The following ROBO2 variants were observed in gnomAD, a reference collection of about 807,000 sequenced individuals.
ROBO2 encodes roundabout guidance receptor 2, also known as roundabout homolog 2.
ROBO2 carries 53 observed loss-of-function variants against 160.8 expected under a neutral mutation model. The observed-to-expected ratio is 0.33, with a 90% CI of 0.26 to 0.41. The LOEUF (loss-of-function observed/expected upper bound fraction) is 0.41, where lower values mean the gene tolerates loss of function less well. Ranked by LOEUF, ROBO2 falls within the 10% of genes least tolerant of loss-of-function variation. The pLI is 1.00. For synonymous variants in ROBO2, 664 were observed against 611.7 expected (o/e 1.09, Z -1.26); for missense variants, 1,577 against 1,722.4 (o/e 0.92, Z 1.49).
At chr3:76,996,179 G>C (rs2060992995) in intron 2 of ROBO2, among the ~76,000 whole-genome samples, 1 of 152,172 alleles carries the variant, frequency 6.6e-6, no homozygotes, top group Admixed American at 6.5e-5. Context: ...TGGCTAGCCA[G>C]TTTTCCCAGC....
intron 2 of ROBO2, among the ~76,000 whole-genome samples, chr3:76,554,862 G>T (rs1215010836): frequency 2.0e-5 from 3 of 151,922 alleles, no homozygotes; most frequent in Admixed American, 2.0e-4. Flanking sequence ...TACAGTGGGA[G>T]AATCAGGGAA....
At chr3:76,008,615 G>A (rs2066099503) in intron 2 of ROBO2, among the ~76,000 whole-genome samples, 1 of 152,206 alleles carries the variant, frequency 6.6e-6, no homozygotes, top group South Asian at 2.1e-4. Flanking sequence ...AGTCTCAAAC[G>A]TTTTAGAATG....
chr3:77,426,103 A>G (rs1280945841), intron 2 of ROBO2, among the ~76,000 whole-genome samples: 1 of 152,130 alleles, frequency 6.6e-6, no homozygotes, highest in Non-Finnish European at 1.5e-5. Context: ...CGAAGCAGGA[A>G]TGTCACGTTA....
chr3:76,947,209 T>TA (rs2078609898), intron 2 of ROBO2, among the ~76,000 whole-genome samples: 1 of 152,006 alleles, frequency 6.6e-6, no homozygotes, highest in East Asian at 1.9e-4. Flanking sequence ...ATAGTATCTA[T>TA]AAAAAATAAA....
At chr3:77,323,361 T>C (rs1342838180) in intron 2 of ROBO2, among the ~76,000 whole-genome samples, 5 of 152,092 alleles carry the variant, frequency 3.3e-5, no homozygotes, top group South Asian at 4.1e-4. Flanking sequence ...TGAGACTTAA[T>C]TGTATCTCTC....
At chr3:76,988,720 T>C (rs1199154131) in intron 2 of ROBO2, among the ~76,000 whole-genome samples, 1 of 152,174 alleles carries the variant, frequency 6.6e-6, no homozygotes, top group Non-Finnish European at 1.5e-5. Context: ...ACTGAGACAT[T>C]AATGCCTCTG....
At chr3:77,549,568 G>A (rs554475935) in intron 7 of ROBO2, among the ~76,000 whole-genome samples, 50 of 152,074 alleles carry the variant, frequency 3.3e-4, no homozygotes, top group Non-Finnish European at 4.0e-4. Flanking sequence ...TTAATAACAT[G>A]GTAATGTTTA....
At chr3:76,948,256 G>A (rs1270852006) in intron 2 of ROBO2, among the ~76,000 whole-genome samples, 1 of 152,072 alleles carries the variant, frequency 6.6e-6, no homozygotes, top group Non-Finnish European at 1.5e-5. Context: ...GGACTTTGAT[G>A]TCTTTAGATA....
intron 2 of ROBO2, among the ~76,000 whole-genome samples, chr3:76,532,357 A>G (rs1221734748): frequency 6.6e-6 from 1 of 152,204 alleles, no homozygotes; most frequent in Non-Finnish European, 1.5e-5. Context: ...CTTACTTGAC[A>G]TGCACACTTT....
At chr3:77,307,669 G>T (rs1428803535) in intron 2 of ROBO2, among the ~76,000 whole-genome samples, 1 of 152,142 alleles carries the variant, frequency 6.6e-6, no homozygotes, top group East Asian at 1.9e-4. Flanking sequence ...GATCAATTGA[G>T]GTCAGGAGTT....
At chr3:77,161,314 A>G (rs1267135169) in intron 2 of ROBO2, among the ~76,000 whole-genome samples, 2 of 152,252 alleles carry the variant, frequency 1.3e-5, no homozygotes, top group African/African-American at 4.8e-5. Flanking sequence ...TAATTTGCAT[A>G]TGAAGCAATA....
At chr3:76,395,814 A>G (rs1325320068) in intron 2 of ROBO2, among the ~76,000 whole-genome samples, 2 of 152,190 alleles carry the variant, frequency 1.3e-5, no homozygotes, top group African/African-American at 2.4e-5. Context: ...AGGCTCTGAA[A>G]TTATGGCAAT....
At chr3:77,250,498 G>A (rs1181994296) in intron 2 of ROBO2, among the ~76,000 whole-genome samples, 11 of 152,294 alleles carry the variant, frequency 7.2e-5, no homozygotes, top group Non-Finnish European at 1.0e-4. Flanking sequence ...GCCAGTCAAA[G>A]TCTGTGTGTG....
At chr3:77,411,943 C>T (rs1253168025) in intron 2 of ROBO2, among the ~76,000 whole-genome samples, 5 of 152,140 alleles carry the variant, frequency 3.3e-5, no homozygotes, top group African/African-American at 1.2e-4. Context: ...TACATTTTTC[C>T]TCTTCCCCTC....
chr3:76,786,539 A>G (rs1421378595), intron 2 of ROBO2, among the ~76,000 whole-genome samples: 1 of 151,260 alleles, frequency 6.6e-6, no homozygotes, highest in African/African-American at 2.4e-5. Context: ...CTCTATCATG[A>G]GACAGCATTA....
At position 76,683,478 on chromosome 3, in the gene ROBO2, A is replaced by AC. The variant is rs2092615705; in HGVS notation, c.110-414536_110-414535insC. ...AACCCCCACCGAAAAAAAAAAAAAA[A>AC]AACCTGGAAAACACATGCATGTGTC... On this transcript the variant is annotated intron_variant, in intron 2 of 26. Transcript: ENST00000487694. Among the ~76,000 whole-genome samples, 6 of 151,606 alleles carry AC rather than the reference A, an allele frequency of 4.0e-5. No homozygotes were observed. The South Asian group carries it at 1.3e-3, about 32-fold the overall frequency.
At chr3:76,455,942 G>T (rs1345885364) in intron 2 of ROBO2, among the ~76,000 whole-genome samples, 2 of 152,134 alleles carry the variant, frequency 1.3e-5, no homozygotes, top group Non-Finnish European at 2.9e-5. Flanking sequence ...GAGGAATGAA[G>T]TCCCAGAGAC....
Position 77,097,978 on chromosome 3 carries a change from T to G in ROBO2, c.62-36T>G, listed in dbSNP as rs988725720. 6.1e-6 allele frequency: 9 copies of G among 1,485,894 alleles called. 1 individual carries two copies. Among genetic ancestry groups the G allele is most frequent in the South Asian group, 1.4e-5 (1 of 70,368 alleles). The allele number at this position is 1,485,894 out of a possible 1,614,324, so 92.0% of individuals were successfully genotyped here. A position where few individuals can be genotyped will look rare whatever the true frequency, so the allele number is the denominator to read the frequency against. On this transcript the variant is annotated intron_variant, in intron 1 of 25. Coordinates refer to ENST00000461745, the Ensembl canonical transcript of ROBO2. ...GAAACCGAGGGTTTAGATAAGGAAA[T>G]GTTAAAGCTTGTCTTTATTCCGTCA...
chr3:76,605,788 A>C (rs547022938), intron 2 of ROBO2, among the ~76,000 whole-genome samples: 1 of 152,062 alleles, frequency 6.6e-6, no homozygotes, highest in East Asian at 1.9e-4. Flanking sequence ...ATTTATGTAT[A>C]GGTAGATTTT....
Sources: gnomAD v4.1 joint callset for allele counts (sites outside exome capture counted in the v4.1 genomes callset) on GRCh38, gnomAD v4.1.1 for gene constraint, MANE v1.5 for transcripts, NCBI Gene and HGNC (gene_info 2026-07-23, HGNC 2026-07-21) for gene names.